STAG1: variants seen among roughly 807,000 people sequenced by gnomAD.
STAG1 encodes STAG1 cohesin complex component, also known as cohesin subunit SA-1.
A neutral mutation model predicts 170.9 loss-of-function variants in STAG1; 26 were observed. The ratio of observed to expected loss-of-function variants is 0.15; its 90% confidence interval spans 0.11 to 0.21. STAG1 has a LOEUF of 0.21. Among genes scored for constraint, STAG1 ranks in the 10% least tolerant of loss-of-function variants. STAG1 has a pLI of 1.00. For synonymous variants in STAG1, 514 were observed against 497.7 expected, an observed-to-expected ratio of 1.03 and a Z score of -0.44; for missense variants, 964 against 1,509.5, an observed-to-expected ratio of 0.64 and a Z score of 5.99.
chr3:136,422,435 T>G lies in STAG1; in HGVS notation c.2012A>C (p.His671Pro). The change falls in exon 19 of 34, where the codon CAT becomes CCT. Residue 671 changes from histidine (H) to proline (P), a missense_variant. By Grantham distance (77) the His-to-Pro change is moderately conservative. Coordinates refer to ENST00000383202, the MANE Select transcript of STAG1 (RefSeq NM_005862.3). Reference sequence around the variant, plus strand: ...CTCTTGCAATAGGTCTTCCACAGAATGATTGAATCGATCTACAAACTCATC... The same window carrying G: ...CTCTTGCAATAGGTCTTCCACAGAAGGATTGAATCGATCTACAAACTCATC... ...LIDEFVDRFN[H>P]SVEDLLQEGE... 6.2e-7 allele frequency: 1 copy of G among 1,614,042 alleles called. No individual in the cohort carries two copies. The highest frequency in any genetic ancestry group is 8.5e-7 in the Non-Finnish European group (1 of 1,179,974).
chr3:136,549,320 T>C (rs1936288766), intron 5 of STAG1, among the ~76,000 whole-genome samples: 1 of 152,182 alleles, frequency 6.6e-6, no homozygotes. Flanking sequence ...TCCTTTTTTT[T>C]TTCCCTTGAG....
At chr3:136,428,890 T>C (rs1318083296) in intron 16 of STAG1, among the ~76,000 whole-genome samples, 1 of 152,208 alleles carries the variant, frequency 6.6e-6, no homozygotes, top group Non-Finnish European at 1.5e-5. Context: ...ATCCCCGCAC[T>C]GTGGGATGCC....
chr3:136,467,884 C>T (rs1346028372), intron 12 of STAG1, among the ~76,000 whole-genome samples: 1 of 152,284 alleles, frequency 6.6e-6, no homozygotes, highest in South Asian at 2.1e-4. Context: ...TACACGGAAA[C>T]TAAACAACCT....
chr3:136,377,946 C>T (rs917069287), intron 22 of STAG1, among the ~76,000 whole-genome samples, 194 bp from the exon 23 acceptor site: 5 of 152,214 alleles, frequency 3.3e-5, no homozygotes, highest in Non-Finnish European at 7.3e-5. Context: ...GTGACACTGA[C>T]ACTCTAAAAC....
At chr3:136,648,004 TGAA>T (rs1331166011) in intron 1 of STAG1, among the ~76,000 whole-genome samples, 2 of 152,234 alleles carry the variant, frequency 1.3e-5, no homozygotes, top group Admixed American at 6.5e-5. Context: ...TATTTACAGA[TGAA>T]GACAGATTGT....
At chr3:136,747,507 G>A (rs1355960227) in intron 1 of STAG1, among the ~76,000 whole-genome samples, 2 of 152,050 alleles carry the variant, frequency 1.3e-5, no homozygotes, top group East Asian at 2.0e-4. Flanking sequence ...TAGGCAACAT[G>A]GCAAAATCTC....
In STAG1 at chr3:136,345,130, C is replaced by T. The variant is rs566685130; in HGVS notation, c.3272-1124G>A. 4.6e-5 allele frequency among the ~76,000 whole-genome samples: 7 copies of T among 152,168 alleles called. No homozygotes were observed. In the East Asian group the frequency reaches 5.8e-4, roughly 13 times the overall value. On this transcript the variant is annotated intron_variant, in intron 29 of 33. Transcript: ENST00000383202. ...TTTTTGAGACAGCGTCTCACTCTGT[C>T]GCAGGCTGTAGTACAGTGGCACGAT...
chr3:136,552,716 A>C (rs549289442), intron 5 of STAG1, among the ~76,000 whole-genome samples: 1 of 152,326 alleles, frequency 6.6e-6, no homozygotes, highest in South Asian at 2.1e-4. Context: ...GGGAAAATAA[A>C]GTTTTTCTGG....
intron 1 of STAG1, among the ~76,000 whole-genome samples, chr3:136,681,948 C>T (rs1942350738): frequency 6.6e-6 from 1 of 152,064 alleles, no homozygotes; most frequent in Non-Finnish European, 1.5e-5. Flanking sequence ...AAATCTTTTC[C>T]TCTATGACCT....
rs529679421 is a variant in STAG1, at chr3:136,512,172, A to G, written c.676+9041T>C. Among the ~76,000 whole-genome samples the G allele has an allele frequency of 2.7e-5, 4 of 150,028 alleles. No individual in the cohort carries two copies. The East Asian group carries it at 7.9e-4, about 30-fold the overall frequency. On this transcript the variant is annotated intron_variant, in intron 7 of 33. Coordinates refer to ENST00000383202, the MANE Select transcript of STAG1 (RefSeq NM_005862.3). Reference sequence around the variant, plus strand: ...AGAAAAGGAAAATTAGCCAGGTGTGATGGCACATGCCTGTAGTCCCAGCTT... The same window carrying G: ...AGAAAAGGAAAATTAGCCAGGTGTGGTGGCACATGCCTGTAGTCCCAGCTT...
chr3:136,682,291 G>C (rs1942361865), intron 1 of STAG1, among the ~76,000 whole-genome samples: 3 of 151,916 alleles, frequency 2.0e-5, no homozygotes, highest in Admixed American at 6.6e-5. Flanking sequence ...CAGGCGTGGT[G>C]GTGGGTGTCT....
At chr3:136,476,914 C>T (rs930706999) in intron 10 of STAG1, among the ~76,000 whole-genome samples, 1 of 151,916 alleles carries the variant, frequency 6.6e-6, no homozygotes, top group African/African-American at 2.4e-5. Flanking sequence ...ATAAAGCACT[C>T]TACTATGATA....
intron 1 of STAG1, among the ~76,000 whole-genome samples, chr3:136,698,648 A>T (rs1317643811): frequency 6.6e-6 from 1 of 152,180 alleles, no homozygotes; most frequent in Non-Finnish European, 1.5e-5. Flanking sequence ...GGGTAAAGGT[A>T]AAGAAGCCAG....
In STAG1 at chr3:136,400,558, C is replaced by T. The variant is rs1350149177; in HGVS notation, c.2197-1729G>A. ...TTCTTTCTTTTTTTTTTTTTTGAGA[C>T]GAAGTCTCGCTTTGTTGCCCAGGCG... On this transcript the variant is annotated intron_variant, in intron 21 of 33. Coordinates refer to ENST00000383202, the MANE Select transcript of STAG1 (RefSeq NM_005862.3). Among the ~76,000 whole-genome samples, 6 of 149,442 alleles carry T rather than the reference C, an allele frequency of 4.0e-5. No individual in the cohort carries two copies. The East Asian group carries it at 7.9e-4, about 20-fold the overall frequency.
At chr3:136,519,240 A>G in intron 7 of STAG1, among the ~76,000 whole-genome samples, 1 of 152,132 alleles carries the variant, frequency 6.6e-6, no homozygotes, top group East Asian at 1.9e-4. Flanking sequence ...AGTAAATGGC[A>G]TACAATTAAC....
At chr3:136,522,824 T>A (rs969889871) in intron 6 of STAG1, among the ~76,000 whole-genome samples, 3 of 150,462 alleles carry the variant, frequency 2.0e-5, no homozygotes, top group East Asian at 2.0e-4. Flanking sequence ...CAGTGTTTGG[T>A]TTTTTGTCCT....
rs1937101462 is a variant in STAG1 at position 136,367,051 on chromosome 3, A to G, written c.2577T>C (p.Ile859=). 2.5e-6 allele frequency: 4 copies of G among 1,610,904 alleles called. No homozygotes were observed. Among genetic ancestry groups the G allele is most frequent in the Non-Finnish European group, 3.4e-6 (4 of 1,178,042 alleles). ...EGDEEDEANK[I]EALHKRRNLL... is the part of the protein sequence containing the mutation. ...GATTCCTTCTTTTATGTAAGGCCTCAATTTTATTAGCTTCATCTTCTTCAT... is the reference window on the plus strand; with the variant it reads ...GATTCCTTCTTTTATGTAAGGCCTCGATTTTATTAGCTTCATCTTCTTCAT... The change falls in exon 25 of 34, where the codon ATT becomes ATC. Residue 859 remains isoleucine (I), a synonymous_variant. Coordinates refer to ENST00000383202, the MANE Select transcript of STAG1 (RefSeq NM_005862.3).
chr3:136,511,048 A>C (rs1934039643), intron 7 of STAG1, among the ~76,000 whole-genome samples: 1 of 152,204 alleles, frequency 6.6e-6, no homozygotes, highest in Non-Finnish European at 1.5e-5. Flanking sequence ...CTGGGATTAC[A>C]GGCATGAGCC....
chr3:136,715,440 G>A (rs544139165), intron 1 of STAG1, among the ~76,000 whole-genome samples: 7 of 151,760 alleles, frequency 4.6e-5, no homozygotes, highest in South Asian at 4.2e-4. Flanking sequence ...CTAACACAGT[G>A]AAACCACGTC....
Sources: allele counts gnomAD v4.1 joint callset (sites outside exome capture counted in the v4.1 genomes callset), GRCh38; gene constraint gnomAD v4.1.1; transcripts MANE v1.5; gene names NCBI Gene and HGNC (gene_info 2026-07-23, HGNC 2026-07-21).